The following PLCL1 variants were observed in gnomAD, a reference collection of about 807,000 sequenced individuals.
PLCL1 encodes phospholipase C like 1 (inactive), also known as inactive phospholipase C-like protein 1.
Under a neutral mutation model 84.4 loss-of-function variants are expected in PLCL1, and 41 were observed. The observed-to-expected ratio is 0.49, with a 90% CI of 0.38 to 0.63. The LOEUF (loss-of-function observed/expected upper bound fraction) is 0.63, where lower values mean the gene tolerates loss of function less well. Among genes scored for constraint, PLCL1 ranks in the 30% least tolerant of loss-of-function variants. PLCL1 has a pLI of 0.00. For synonymous variants in PLCL1, 490 were observed against 488.3 expected (o/e 1.00, Z -0.05); for missense variants, 1,206 against 1,367.8 (o/e 0.88, Z 1.87).
intron 1 of PLCL1, among the ~76,000 whole-genome samples, chr2:197,934,441 A>G (rs1418523422): frequency 6.6e-6 from 1 of 152,242 alleles, no homozygotes; most frequent in East Asian, 1.9e-4. Flanking sequence ...TGAAGTCGGC[A>G]TATTCACATC....
intron 1 of PLCL1, among the ~76,000 whole-genome samples, chr2:197,929,718 G>A (rs1197951644): frequency 6.6e-6 from 1 of 152,174 alleles, no homozygotes; most frequent in Non-Finnish European, 1.5e-5. Context: ...GAATTCTAAT[G>A]AGAGAGTTAA....
chr2:197,839,198 C>T (rs1368718499), intron 1 of PLCL1, among the ~76,000 whole-genome samples: 1 of 152,176 alleles, frequency 6.6e-6, no homozygotes. Flanking sequence ...TGATATCTCC[C>T]TGTCAAATCT....
chr2:198,046,399 A>G (rs906365691), intron 1 of PLCL1, among the ~76,000 whole-genome samples: 9 of 152,250 alleles, frequency 5.9e-5, no homozygotes, highest in Non-Finnish European at 1.3e-4. Context: ...GCCGAATAGG[A>G]ACAGCTCCAG....
At chr2:198,137,060 C>A (rs1158686831) in intron 5 of PLCL1, among the ~76,000 whole-genome samples, 4 of 152,092 alleles carry the variant, frequency 2.6e-5, no homozygotes, top group Non-Finnish European at 5.9e-5. Context: ...AAGTCTTAAG[C>A]TAGTTTTTCT....
chr2:198,140,475 A>G (rs1052558149), intron 5 of PLCL1, among the ~76,000 whole-genome samples: 2 of 152,146 alleles, frequency 1.3e-5, no homozygotes, highest in Non-Finnish European at 2.9e-5. Context: ...AGGGTCCTTC[A>G]TTTCTTCAAC....
intron 1 of PLCL1, among the ~76,000 whole-genome samples, chr2:197,821,692 C>T (rs1376052352): frequency 6.6e-6 from 1 of 152,066 alleles, no homozygotes; most frequent in Non-Finnish European, 1.5e-5. Flanking sequence ...TGTTCATATC[C>T]CACTGGCCCA....
At chr2:198,118,945 T>A (rs977379179) in intron 5 of PLCL1, among the ~76,000 whole-genome samples, 2 of 152,054 alleles carry the variant, frequency 1.3e-5, no homozygotes, top group African/African-American at 4.8e-5. Flanking sequence ...TTAGGATAAA[T>A]CTTCAGTCAT....
At chr2:197,991,042 T>C (rs1690336250) in intron 1 of PLCL1, among the ~76,000 whole-genome samples, 1 of 152,148 alleles carries the variant, frequency 6.6e-6, no homozygotes, top group Non-Finnish European at 1.5e-5. Flanking sequence ...AAACATTGTT[T>C]CTGAGTGTGT....
intron 5 of PLCL1, among the ~76,000 whole-genome samples, chr2:198,121,626 A>T (rs2105928144): frequency 6.6e-6 from 1 of 151,596 alleles, no homozygotes; most frequent in Non-Finnish European, 1.5e-5. Context: ...AGGTGTGTAG[A>T]TTTGTTTCTG....
chr2:197,827,859 T>C (rs916445311), intron 1 of PLCL1, among the ~76,000 whole-genome samples: 1 of 152,178 alleles, frequency 6.6e-6, no homozygotes, highest in South Asian at 2.1e-4. Context: ...TGGAATATGA[T>C]GACTCACAGG....
At chr2:198,141,725 T>G (rs142308003) in intron 5 of PLCL1, among the ~76,000 whole-genome samples, 15 of 152,264 alleles carry the variant, frequency 9.9e-5, no homozygotes, top group African/African-American at 3.6e-4. Context: ...TGTCTGTGAC[T>G]GGTTTCTACT....
At chr2:197,820,880 G>A (rs571796293) in intron 1 of PLCL1, among the ~76,000 whole-genome samples, 1 of 152,196 alleles carries the variant, frequency 6.6e-6, no homozygotes, top group South Asian at 2.1e-4. Flanking sequence ...TTGCTCTGAA[G>A]CTTCGTATGG....
chr2:197,972,811 T>C (rs4555344), intron 1 of PLCL1, among the ~76,000 whole-genome samples: 150,993 of 152,324 alleles, frequency 0.99, 74,857 homozygotes, highest in Middle Eastern at 1. Flanking sequence ...AGGTCTAATT[T>C]TTATATGGTG....
chr2:197,841,456 A>T (rs1182299451), intron 1 of PLCL1, among the ~76,000 whole-genome samples: 1 of 152,016 alleles, frequency 6.6e-6, no homozygotes. Context: ...ATATAGTTGG[A>T]CTCAACTATG....
At position 198,084,703 on chromosome 2, in the gene PLCL1, G is replaced by T. The variant is rs780072812; in HGVS notation, c.1186G>T (p.Val396Phe). The T allele has an allele frequency of 6.2e-7, 1 of 1,613,952 alleles. No individual in the cohort carries two copies. The highest frequency in any genetic ancestry group is 1.1e-5 in the South Asian group (1 of 91,066). ...CATTTTTGATCCTGAGCAAAAGAAG[G>T]TTGCCCAAGATATGACCCAGCCATT... The part of the protein sequence containing the change: ...CDIFDPEQKK[V>F]AQDMTQPLSH... The change falls in exon 2 of 6, where the codon GTT becomes TTT. Residue 396 changes from valine to phenylalanine, a missense_variant. By Grantham distance (50) the Val-to-Phe change is conservative (BLOSUM62 -1). Coordinates refer to ENST00000428675, the MANE Select transcript of PLCL1 (RefSeq NM_006226.4).
intron 1 of PLCL1, among the ~76,000 whole-genome samples, chr2:197,915,561 A>T (rs1272500580): frequency 4.6e-5 from 7 of 151,266 alleles, no homozygotes; most frequent in Admixed American, 4.6e-4. Context: ...GCAGGATGTG[A>T]GATTCCCAGT....
chr2:198,079,487 G>A (rs1397308835), intron 1 of PLCL1, among the ~76,000 whole-genome samples: 4 of 151,906 alleles, frequency 2.6e-5, no homozygotes. Context: ...AGACATTATA[G>A]CATAAGATTA....
chr2:197,890,686 A>G (rs1382025737), intron 1 of PLCL1, among the ~76,000 whole-genome samples: 1 of 119,638 alleles, frequency 8.4e-6, no homozygotes, highest in African/African-American at 3.5e-5. Flanking sequence ...TTTTTGCTAT[A>G]TATATATATA....
intron 1 of PLCL1, among the ~76,000 whole-genome samples, chr2:198,040,554 A>T (rs1691635191): frequency 6.6e-6 from 1 of 152,180 alleles, no homozygotes; most frequent in South Asian, 2.1e-4. Flanking sequence ...GGTGGGTGGA[A>T]TTTCCGTTCT....
Sources: allele counts gnomAD v4.1 joint callset (sites outside exome capture counted in the v4.1 genomes callset), GRCh38; gene constraint gnomAD v4.1.1; transcripts MANE v1.5; gene names NCBI Gene and HGNC (gene_info 2026-07-23, HGNC 2026-07-21).